The following ITGA8 variants were observed in gnomAD, a reference collection of about 807,000 sequenced individuals.
The protein encoded by ITGA8 is integrin alpha-8.
In ITGA8, 91 loss-of-function variants were observed where a neutral mutation model predicts 142.3. The observed-to-expected ratio is 0.64, with a 90% confidence interval of 0.54 to 0.76. ITGA8 has a LOEUF of 0.76. Ranked by LOEUF, ITGA8 falls within the 30% of genes least tolerant of loss-of-function variation. ITGA8 has a pLI of 0.00. For missense variants in ITGA8, 1,406 were observed against 1,327.7 expected (o/e 1.06, Z -0.92); for synonymous variants, 505 against 485.2 (o/e 1.04, Z -0.54).
intron 2 of ITGA8, among the ~76,000 whole-genome samples, chr10:15,698,249 T>G (rs141866466): frequency 0.019 from 2,906 of 152,328 alleles, 103 homozygotes; most frequent in African/African-American, 0.065. Context: ...TCATTCATTT[T>G]TATGGCTGAG....
At chr10:15,538,948 T>A (rs1833511192) in intron 27 of ITGA8, among the ~76,000 whole-genome samples, 1 of 135,168 alleles carries the variant, frequency 7.4e-6, no homozygotes. Flanking sequence ...CATTTTCAGG[T>A]AAAGGTTTTT....
chr10:15,613,675 A>G lies in ITGA8; in HGVS notation c.1538T>C (p.Met513Thr), dbSNP rs930645531. The G allele has an allele frequency of 5.0e-6, 8 of 1,612,396 alleles. No homozygotes were observed. The highest frequency in any genetic ancestry group is 6.8e-6 in the Non-Finnish European group (8 of 1,178,498). The stretch of plus-strand genomic sequence containing the variant: ...ACTAACTCACCAGGCAGCAGATGTC[A>G]TAGAGTCTGGAACCTGGCAAGTTTT... ...ENKTCQVPDS[M>T]TSAACFSLRV... Residue 513 changes from methionine to threonine, a missense_variant, in exon 15 of 30, where the codon ATG (methionine) becomes ACG (threonine). Physicochemically the swap from Met to Thr is moderately conservative, Grantham distance 81. Coordinates refer to ENST00000378076, the MANE Select transcript of ITGA8 (RefSeq NM_003638.3).
At chr10:15,590,948 G>A (rs1832910849) in intron 22 of ITGA8, among the ~76,000 whole-genome samples, 1 of 152,130 alleles carries the variant, frequency 6.6e-6, no homozygotes, top group South Asian at 2.1e-4. Flanking sequence ...TCTATACAAA[G>A]TTTGGGGTGG....
chr10:15,519,551 G>T (rs1240078277), intron 28 of ITGA8, 139 bp from the exon 29 acceptor site: 14 of 886,940 alleles, frequency 1.6e-5, no homozygotes, highest in Admixed American at 1.1e-4. Flanking sequence ...ATATTTGAGA[G>T]GTAGCACTCG....
At chr10:15,642,405 G>C (rs1166075880) in intron 13 of ITGA8, among the ~76,000 whole-genome samples, 2 of 152,158 alleles carry the variant, frequency 1.3e-5, no homozygotes. Flanking sequence ...GGTACTAAGG[G>C]TGGGAAGGAG....
chr10:15,613,561 C>T, intron 15 of ITGA8, 99 bp downstream of exon 15: 4 of 854,930 alleles, frequency 4.7e-6, no homozygotes, highest in South Asian at 4.7e-5. Context: ...AAAATCTAGG[C>T]CCTACCCCAG....
intron 2 of ITGA8, among the ~76,000 whole-genome samples, chr10:15,711,760 T>C (rs1292005138): frequency 6.6e-6 from 1 of 152,214 alleles, no homozygotes; most frequent in African/African-American, 2.4e-5. Context: ...ATCTATACCT[T>C]AATTTTACCC....
chr10:15,716,670 A>ATTTTTT lies in ITGA8; in HGVS notation c.343+2090_343+2095dup, dbSNP rs796458374. On this transcript the variant is annotated intron_variant, in intron 2 of 29. Transcript: ENST00000378076. Reference sequence around the variant, plus strand: ...GAACTTGGAAAATATAACCTATTGTATTTTTTTTTTTTTTTTTGAGATGGA... The same window carrying ATTTTTT: ...GAACTTGGAAAATATAACCTATTGTATTTTTTTTTTTTTTTTTTTTTTTGAGATGGA... 2.8e-3 allele frequency among the ~76,000 whole-genome samples: 377 copies of ATTTTTT among 135,040 alleles called. 7 individuals are homozygous for ATTTTTT. Among genetic ancestry groups the ATTTTTT allele is most frequent in the African/African-American group, 9.6e-3 (347 of 35,964 alleles). The allele number at this position is 135,040 out of a possible 152,430, so 88.6% of individuals were successfully genotyped here.
At chr10:15,576,617 G>A (rs1834302830) in intron 23 of ITGA8, among the ~76,000 whole-genome samples, 1 of 152,078 alleles carries the variant, frequency 6.6e-6, no homozygotes, top group South Asian at 2.1e-4. Context: ...AACTTCAAAT[G>A]TTAGCAAAAT....
intron 2 of ITGA8, among the ~76,000 whole-genome samples, chr10:15,710,852 A>G (rs188746878): frequency 1.3e-5 from 2 of 152,234 alleles, no homozygotes; most frequent in Admixed American, 6.5e-5. Flanking sequence ...GTCTTTGAAT[A>G]AACCTATTCC....
intron 6 of ITGA8, 100 bp from the exon 7 acceptor site, chr10:15,672,849 G>C (rs1834553449): frequency 4.6e-6 from 6 of 1,301,548 alleles, no homozygotes; most frequent in Non-Finnish European, 5.1e-6. Context: ...GGAATTGCTT[G>C]CTTTTTTGAT....
At chr10:15,534,777 C>A (rs1833385016) in intron 27 of ITGA8, among the ~76,000 whole-genome samples, 1 of 152,216 alleles carries the variant, frequency 6.6e-6, no homozygotes, top group Non-Finnish European at 1.5e-5. Context: ...GGGGTGCTAG[C>A]AAATAATAGT....
At chr10:15,591,110 C>A (rs974249384) in intron 22 of ITGA8, among the ~76,000 whole-genome samples, 1 of 152,114 alleles carries the variant, frequency 6.6e-6, no homozygotes, top group East Asian at 1.9e-4. Flanking sequence ...AGTTATCACA[C>A]TCTAATGGTA....
intron 13 of ITGA8, among the ~76,000 whole-genome samples, chr10:15,617,687 C>T (rs1387263114): frequency 5.9e-5 from 9 of 152,212 alleles, no homozygotes; most frequent in Non-Finnish European, 1.3e-4. Context: ...GCATGAGCCA[C>T]TGCACCTGGC....
intron 27 of ITGA8, among the ~76,000 whole-genome samples, chr10:15,537,971 CAA>C (rs781560418): frequency 4.4e-5 from 6 of 135,702 alleles, no homozygotes; most frequent in Non-Finnish European, 7.6e-5. Flanking sequence ...CAAAACAAAA[CAA>C]AAAAAAAACA....
intron 2 of ITGA8, among the ~76,000 whole-genome samples, chr10:15,688,297 A>C (rs1834869559): frequency 8.7e-6 from 1 of 115,554 alleles, no homozygotes; most frequent in African/African-American, 2.9e-5. Context: ...TCTACCAAAA[A>C]ATACCAAAAA....
chr10:15,586,826 A>G (rs1027853544), intron 22 of ITGA8, among the ~76,000 whole-genome samples, 162 bp from the exon 23 acceptor site: 1 of 152,242 alleles, frequency 6.6e-6, no homozygotes, highest in African/African-American at 2.4e-5. Context: ...CCATTTGTAC[A>G]GAGAAATGCT....
At chr10:15,673,388 G>A (rs1385538451) in intron 6 of ITGA8, among the ~76,000 whole-genome samples, 4 of 151,982 alleles carry the variant, frequency 2.6e-5, no homozygotes, top group Non-Finnish European at 5.9e-5. Flanking sequence ...CGGCCATGAT[G>A]TAATTTTTAT....
At chr10:15,568,583 G>A (rs1834118861) in intron 25 of ITGA8, among the ~76,000 whole-genome samples, 1 of 152,184 alleles carries the variant, frequency 6.6e-6, no homozygotes, top group African/African-American at 2.4e-5. Flanking sequence ...TGTATTTGGA[G>A]TGCATATCCA....
Sources: gnomAD v4.1 joint callset for allele counts (sites outside exome capture counted in the v4.1 genomes callset) on GRCh38, gnomAD v4.1.1 for gene constraint, MANE v1.5 for transcripts, NCBI Gene and HGNC (gene_info 2026-07-23, HGNC 2026-07-21) for gene names.